Variants in ADAM19 observed in about 807,000 individuals in gnomAD.
ADAM19 encodes the protein ADAM metallopeptidase domain 19.
Under a neutral mutation model 114.7 loss-of-function variants are expected in ADAM19, and 65 were observed. That is an observed-to-expected ratio of 0.57 (90% CI 0.46 to 0.70). The LOEUF is 0.70. ADAM19 is among the 30% of genes least tolerant of loss of function. ADAM19 has a pLI of 0.00. For synonymous variants in ADAM19, 466 were observed against 460.5 expected, an observed-to-expected ratio of 1.01 and a Z score of -0.15; for missense variants, 1,063 against 1,204.7, an observed-to-expected ratio of 0.88 and a Z score of 1.74.
At chr5:157,569,438 T>TG (rs1256410252) in intron 2 of ADAM19, among the ~76,000 whole-genome samples, 60 of 133,818 alleles carry the variant, frequency 4.5e-4, no homozygotes, top group South Asian at 3.7e-3. Context: ...TTTTTTTTTT[T>TG]GTAGAGATAG....
intron 9 of ADAM19, 44 bp from the exon 10 acceptor site, chr5:157,507,184 A>G (rs186490232): frequency 1.3e-6 from 2 of 1,588,914 alleles, no homozygotes; most frequent in East Asian, 2.2e-5. Flanking sequence ...CGAGACTAAG[A>G]GGGCTGTTCC....
At chr5:157,529,967 A>G (rs998535402) in intron 5 of ADAM19, among the ~76,000 whole-genome samples, 2 of 152,030 alleles carry the variant, frequency 1.3e-5, no homozygotes, top group Non-Finnish European at 2.9e-5. Flanking sequence ...TTCCTATTTC[A>G]CCACCTCCAA....
At chr5:157,571,743 T>C (rs1757833322) in intron 1 of ADAM19, among the ~76,000 whole-genome samples, 1 of 152,026 alleles carries the variant, frequency 6.6e-6, no homozygotes, top group Non-Finnish European at 1.5e-5. Context: ...TGAGAGATGA[T>C]GGTGGCTCAG....
At chr5:157,518,389 AT>A (rs1325501333) in intron 7 of ADAM19, among the ~76,000 whole-genome samples, 2 of 151,832 alleles carry the variant, frequency 1.3e-5, no homozygotes, top group Non-Finnish European at 2.9e-5. Flanking sequence ...CTTTGGTCAG[AT>A]TTTTTTTCTT....
chr5:157,564,592 G>C, intron 2 of ADAM19, 149 bp from the exon 3 acceptor site: 1 of 711,348 alleles, frequency 1.4e-6, no homozygotes, highest in South Asian at 1.6e-5. Flanking sequence ...CATGTAAAAT[G>C]ACCTCAATCC....
In ADAM19 at chr5:157,496,882, G is replaced by A; in HGVS notation, c.1594+12C>T. 1 of 1,555,682 alleles carries A rather than the reference G, an allele frequency of 6.4e-7. No homozygotes were observed. On this transcript the variant is annotated intron_variant, in intron 14 of 22. Coordinates refer to ENST00000257527, the MANE Select transcript of ADAM19 (RefSeq NM_033274.5). ...GGGCTGGGGAGAGCCGTGCTCCCCA[G>A]GAGAGCCTTACCGGGTCCCCACAGC... is the stretch of plus-strand genomic sequence containing the variant.
At chr5:157,483,450 G>A (rs1018468550) in intron 21 of ADAM19, among the ~76,000 whole-genome samples, 15 of 152,148 alleles carry the variant, frequency 9.9e-5, no homozygotes, top group South Asian at 2.1e-4. Context: ...AGGGGCTGGC[G>A]TGGGGAGATG....
In ADAM19 at chr5:157,478,858, C is replaced by A. The variant is rs985486912; in HGVS notation, c.*2091G>T. 1 of 985,736 alleles carries A rather than the reference C, an allele frequency of 1.0e-6. No homozygotes were observed. The highest frequency in any genetic ancestry group is 1.2e-6 in the Non-Finnish European group (1 of 829,948). The allele number at this position is 985,736 out of a possible 1,614,324, so 61.1% of individuals were successfully genotyped here. A position where few individuals can be genotyped will look rare whatever the true frequency, so the allele number is the denominator to read the frequency against. ...GGACTGCAGGTTCAGATGGCTCATGCAGTCACTATGGCTGTGGCGCTGTCA... is the reference window on the plus strand; with the variant it reads ...GGACTGCAGGTTCAGATGGCTCATGAAGTCACTATGGCTGTGGCGCTGTCA... On this transcript the variant is annotated 3_prime_UTR_variant, in exon 23 of 23. Transcript: ENST00000257527.
chr5:157,523,414 C>T (rs966098483), intron 5 of ADAM19, among the ~76,000 whole-genome samples: 1 of 152,174 alleles, frequency 6.6e-6, no homozygotes, highest in African/African-American at 2.4e-5. Context: ...GTGTTAGGGT[C>T]ATGGGGTGGA....
At chr5:157,558,901 G>A (rs956503537) in intron 3 of ADAM19, among the ~76,000 whole-genome samples, 4 of 152,168 alleles carry the variant, frequency 2.6e-5, no homozygotes, top group Non-Finnish European at 5.9e-5. Flanking sequence ...TAATGGACTT[G>A]AGGAAAAACG....
chr5:157,536,267 G>C (rs574423959), intron 4 of ADAM19, among the ~76,000 whole-genome samples: 76 of 152,192 alleles, frequency 5.0e-4, no homozygotes, highest in Non-Finnish European at 1.0e-3. Context: ...GCTGAGGTGG[G>C]TGGATCACCT....
At chr5:157,551,336 A>C (rs1386508697) in intron 3 of ADAM19, among the ~76,000 whole-genome samples, 1 of 144,520 alleles carries the variant, frequency 6.9e-6, no homozygotes, top group East Asian at 2.2e-4. Flanking sequence ...CCAAGAAGGC[A>C]GTGGCTGCAA....
At position 157,477,999 on chromosome 5, in the gene ADAM19, A is replaced by G; in HGVS notation, c.*2950T>C. On this transcript the variant is annotated 3_prime_UTR_variant, in exon 23 of 23. Transcript: ENST00000257527. ...AATCTATGGCTAGCAGGCAGTTACA[A>G]GATTGAGCCAGGTGCCCAGGCTAAG... 1 of 267,972 alleles carries G rather than the reference A, an allele frequency of 3.7e-6. No individual in the cohort carries two copies. Among genetic ancestry groups the G allele is most frequent in the Non-Finnish European group, 7.6e-6 (1 of 131,974 alleles). 16.6% of individuals were successfully genotyped at this position (267,972 alleles called of 1,614,324 possible).
At chr5:157,555,789 G>A (rs901672779) in intron 3 of ADAM19, among the ~76,000 whole-genome samples, 3 of 152,098 alleles carry the variant, frequency 2.0e-5, no homozygotes, top group Non-Finnish European at 4.4e-5. Context: ...GGTATTATTG[G>A]GCCAAAATCA....
At chr5:157,495,460 T>C (rs1388211285) in intron 14 of ADAM19, among the ~76,000 whole-genome samples, 1 of 152,216 alleles carries the variant, frequency 6.6e-6, no homozygotes, top group Non-Finnish European at 1.5e-5. Flanking sequence ...AAGTATGTCT[T>C]GGAAAATTTT....
intron 4 of ADAM19, among the ~76,000 whole-genome samples, chr5:157,535,494 T>C (rs1389154584): frequency 1.3e-5 from 2 of 152,208 alleles, no homozygotes; most frequent in African/African-American, 4.8e-5. Context: ...GAGAACCCCA[T>C]GGGCCTGGGT....
At chr5:157,548,451 G>A (rs1242820074) in intron 3 of ADAM19, among the ~76,000 whole-genome samples, 1 of 152,146 alleles carries the variant, frequency 6.6e-6, no homozygotes, top group Non-Finnish European at 1.5e-5. Flanking sequence ...ACATAAATTA[G>A]GAATTCTCAA....
At position 157,494,761 on chromosome 5, in the gene ADAM19, C is replaced by T; in HGVS notation, c.1629G>A (p.Lys543=). 1 of 1,613,928 alleles carries T rather than the reference C, an allele frequency of 6.2e-7. No individual in the cohort carries two copies. The part of the protein sequence containing the change: ...ARPAPDLCFE[K]VNVAGDTFGN... The stretch of plus-strand genomic sequence containing the variant: ...CAAAGGTGTCTCCTGCCACATTCAC[C>T]TTCTCGAAGCAGAGGTCAGGGGCAG... Residue 543 remains lysine (K), a synonymous_variant, in exon 15 of 23, where the codon AAG becomes AAA. Coordinates refer to ENST00000257527, the MANE Select transcript of ADAM19 (RefSeq NM_033274.5).
At chr5:157,510,539 G>A (rs1411929826) in intron 8 of ADAM19, among the ~76,000 whole-genome samples, 1 of 152,162 alleles carries the variant, frequency 6.6e-6, no homozygotes, top group African/African-American at 2.4e-5. Context: ...CATCACATCG[G>A]TGAGATCCCT....
Sources: gnomAD v4.1 joint callset for allele counts (sites outside exome capture counted in the v4.1 genomes callset) on GRCh38, gnomAD v4.1.1 for gene constraint, MANE v1.5 for transcripts, NCBI Gene and HGNC (gene_info 2026-07-23, HGNC 2026-07-21) for gene names.